Variants in YTHDF3 observed in about 807,000 individuals in gnomAD.
YTHDF3 encodes the protein YTH N6-methyladenosine RNA binding protein F3.
In YTHDF3, 9 loss-of-function variants were observed where a neutral mutation model predicts 52.5. The observed-to-expected ratio is 0.17, with a 90% confidence interval of 0.10 to 0.30. YTHDF3 has a LOEUF of 0.30. Among genes scored for constraint, YTHDF3 ranks in the 10% least tolerant of loss-of-function variants. YTHDF3 has a pLI of 1.00. For synonymous variants in YTHDF3, 274 were observed against 243.3 expected (o/e 1.13, Z -1.18); for missense variants, 534 against 715.0 (o/e 0.75, Z 2.89).
rs1810406266 is a variant in YTHDF3, at chr8:63,212,253, A to G, written c.*2547A>G. 6.6e-6 allele frequency: 1 copy of G among 152,638 alleles called. No homozygotes were observed. The highest frequency in any genetic ancestry group is 2.4e-5 in the African/African-American group (1 of 41,456). The allele number at this position is 152,638 out of a possible 1,614,324, so 9.5% of individuals were successfully genotyped here. Reference sequence around the variant, plus strand: ...ATTTAACAGTAAGGAGGAAACTGTAACCAAAATTAGTATTTCTCTATACGT... The same window carrying G: ...ATTTAACAGTAAGGAGGAAACTGTAGCCAAAATTAGTATTTCTCTATACGT... On this transcript the variant is annotated 3_prime_UTR_variant, in exon 5 of 5. Transcript: ENST00000539294.
At chr8:63,169,530 A>G in intron 2 of YTHDF3, 119 bp downstream of exon 2, 1 of 1,145,464 alleles carries the variant, frequency 8.7e-7, no homozygotes, top group Non-Finnish European at 1.3e-6. Context: ...GGATTAGGGA[A>G]AATATTCATC....
Position 63,186,070 on chromosome 8 carries a change from A to G in YTHDF3, c.136-77A>G, listed in dbSNP as rs942808347. The G allele has an allele frequency of 6.5e-6, 9 of 1,395,332 alleles. No homozygotes were observed. The East Asian group carries it at 1.6e-4, about 25-fold the overall frequency. 86.4% of individuals were successfully genotyped at this position (1,395,332 alleles called of 1,614,324 possible). A position where few individuals can be genotyped will look rare whatever the true frequency, so the allele number is the denominator to read the frequency against. Reference sequence around the variant, plus strand: ...ATTTTCATTTACTTAAAACTTCTTGATTTTAATCTTTCAGATTTCTTTTTT... The same window carrying G: ...ATTTTCATTTACTTAAAACTTCTTGGTTTTAATCTTTCAGATTTCTTTTTT... On this transcript the variant is annotated intron_variant, in intron 3 of 4. Transcript: ENST00000539294.
chr8:63,169,032 G>T, intron 1 of YTHDF3, 131 bp downstream of exon 1: 1 of 1,451,892 alleles, frequency 6.9e-7, no homozygotes, highest in South Asian at 1.4e-5. Flanking sequence ...AAGTTGCTGC[G>T]GTGTAGCTAC....
intron 4 of YTHDF3, among the ~76,000 whole-genome samples, chr8:63,205,332 A>G (rs1036475161): frequency 6.6e-6 from 1 of 152,148 alleles, no homozygotes; most frequent in Non-Finnish European, 1.5e-5. Context: ...CCAACAACAT[A>G]CCAGTACATG....
intron 4 of YTHDF3, among the ~76,000 whole-genome samples, chr8:63,209,177 T>G (rs1389763967): frequency 6.6e-6 from 1 of 152,200 alleles, no homozygotes; most frequent in Non-Finnish European, 1.5e-5. Context: ...CTCATGTTAC[T>G]TTTTAATGTG....
At position 63,168,638 on chromosome 8, in the gene YTHDF3, C is replaced by A; in HGVS notation, c.-240C>A. On this transcript the variant is annotated 5_prime_UTR_variant, in exon 1 of 5. Transcript: ENST00000539294. ...GCGGAAGTGAGACTAGGGAGTCTGTCCGCCATTGTGGACCCGAGAAGCAGA... is the reference window on the plus strand; with the variant it reads ...GCGGAAGTGAGACTAGGGAGTCTGTACGCCATTGTGGACCCGAGAAGCAGA... 1 of 694,354 alleles carries A rather than the reference C, an allele frequency of 1.4e-6. No homozygotes were observed. The highest frequency in any genetic ancestry group is 2.8e-5 in the East Asian group (1 of 35,438). The allele number at this position is 694,354 out of a possible 1,614,324, so 43.0% of individuals were successfully genotyped here.
At chr8:63,199,843 A>G (rs931295551) in intron 4 of YTHDF3, among the ~76,000 whole-genome samples, 3 of 152,174 alleles carry the variant, frequency 2.0e-5, no homozygotes, top group Non-Finnish European at 4.4e-5. Flanking sequence ...TGTTGAAGTT[A>G]GGGAAAGATA....
rs905406970 is a variant in YTHDF3, at chr8:63,212,628, A to G, written c.*2922A>G. ...TAAAATGATTAGTTCATTTACATTCACTTGTAGCAATTACATGAGAATTTG... is the reference window on the plus strand; with the variant it reads ...TAAAATGATTAGTTCATTTACATTCGCTTGTAGCAATTACATGAGAATTTG... On this transcript the variant is annotated 3_prime_UTR_variant, in exon 5 of 5. Transcript: ENST00000539294. The G allele has an allele frequency of 1.3e-5, 2 of 152,590 alleles. No individual in the cohort carries two copies. The highest frequency in any genetic ancestry group is 4.8e-5 in the African/African-American group (2 of 41,434). The allele number at this position is 152,590 out of a possible 1,614,324, so 9.5% of individuals were successfully genotyped here. A position where few individuals can be genotyped will look rare whatever the true frequency, so the allele number is the denominator to read the frequency against.
intron 4 of YTHDF3, among the ~76,000 whole-genome samples, chr8:63,194,130 A>G (rs758850500): frequency 2.6e-5 from 4 of 152,140 alleles, no homozygotes; most frequent in Non-Finnish European, 5.9e-5. Context: ...AATAAACTGT[A>G]GTTAGATGCG....
At chr8:63,193,111 CAT>C (rs1396121179) in intron 4 of YTHDF3, among the ~76,000 whole-genome samples, 1 of 152,022 alleles carries the variant, frequency 6.6e-6, no homozygotes, top group African/African-American at 2.4e-5. Flanking sequence ...TGGTGGCTCA[CAT>C]GTGTAATCCC....
chr8:63,204,429 T>C (rs890667298), intron 4 of YTHDF3, among the ~76,000 whole-genome samples: 1 of 151,112 alleles, frequency 6.6e-6, no homozygotes, highest in Non-Finnish European at 1.5e-5. Flanking sequence ...TGGCGTGATC[T>C]CGGGTCACCG....
intron 2 of YTHDF3, chr8:63,172,848 A>G: frequency 8.3e-7 from 1 of 1,210,642 alleles, no homozygotes; most frequent in East Asian, 3.2e-5. Flanking sequence ...AGACTATGGA[A>G]CTAGCTTGGA....
rs1355614739 is a variant in YTHDF3 at position 63,188,701 on chromosome 8, A to ATATATATATT, written c.1734+957_1734+958insATATATATTT. ...TACATATATATATATATATATATAT[A>ATATATATATT]TTTTTTTTTTTTTTTTTTTTTTTCT... On this transcript the variant is annotated intron_variant, in intron 4 of 4. Transcript: ENST00000539294. 71 of 61,446 alleles carry ATATATATATT rather than the reference A, an allele frequency of 1.2e-3. 2 individuals are homozygous for ATATATATATT. Among genetic ancestry groups the ATATATATATT allele is most frequent in the East Asian group, 5.0e-3 (9 of 1,816 alleles). The allele number at this position is 61,446 out of a possible 1,614,324, so 3.8% of individuals were successfully genotyped here. A position where few individuals can be genotyped will look rare whatever the true frequency, so the allele number is the denominator to read the frequency against.
chr8:63,187,200 A>G lies in YTHDF3; in HGVS notation c.1189A>G (p.Lys397Glu). 6.2e-7 allele frequency: 1 copy of G among 1,614,076 alleles called. No individual in the cohort carries two copies. The highest frequency in any genetic ancestry group is 8.5e-7 in the Non-Finnish European group (1 of 1,179,908). Residue 397 changes from lysine to glutamate, a missense_variant, in exon 4 of 5, where the codon AAG becomes GAG. Lys to Glu is a moderately conservative substitution (Grantham distance 56). Coordinates refer to ENST00000539294, the MANE Select transcript of YTHDF3 (RefSeq NM_152758.6). ...SSVEVHPVLE[K>E]LKAINNYNPK... ...TGTAGAAGTGCATCCCGTGCTGGAA[A>G]AGCTAAAGGCCATAAACAACTATAA...
intron 4 of YTHDF3, among the ~76,000 whole-genome samples, chr8:63,191,064 A>G (rs1292727471): frequency 6.6e-6 from 1 of 152,240 alleles, no homozygotes; most frequent in African/African-American, 2.4e-5. Flanking sequence ...AGTACTATGT[A>G]TAAGCCTTGC....
At chr8:63,209,302 T>C (rs1810235464) in intron 4 of YTHDF3, among the ~76,000 whole-genome samples, 1 of 152,212 alleles carries the variant, frequency 6.6e-6, no homozygotes. Flanking sequence ...CAATTTAATG[T>C]AACTTTTAAC....
At position 63,169,142 on chromosome 8, in the gene YTHDF3, G is replaced by A. The variant is rs576592489; in HGVS notation, c.24+241G>A. On this transcript the variant is annotated intron_variant, in intron 1 of 4. Coordinates refer to ENST00000539294, the MANE Select transcript of YTHDF3 (RefSeq NM_152758.6). ...GACCGGTCTTAGGGGCCTTAGGACA[G>A]ATCCTGAGGGCGGCAGACATGGGGC... 1.7e-4 allele frequency: 244 copies of A among 1,425,984 alleles called. 2 individuals are homozygous for A. The South Asian group carries it at 3.4e-3, about 20-fold the overall frequency. 88.3% of individuals were successfully genotyped at this position (1,425,984 alleles called of 1,614,324 possible).
intron 2 of YTHDF3, chr8:63,173,532 A>T: frequency 2.7e-6 from 1 of 374,774 alleles, no homozygotes; most frequent in Non-Finnish European, 3.6e-6. Flanking sequence ...TATGAGAGAT[A>T]GTTAGTCATA....
intron 3 of YTHDF3, among the ~76,000 whole-genome samples, chr8:63,177,498 G>C (rs1235691772): frequency 1.3e-5 from 2 of 152,124 alleles, no homozygotes; most frequent in Admixed American, 6.5e-5. Flanking sequence ...ACTATATTCT[G>C]GCTCACATAG....
Sources: allele counts gnomAD v4.1 joint callset (sites outside exome capture counted in the v4.1 genomes callset), GRCh38; gene constraint gnomAD v4.1.1; transcripts MANE v1.5; gene names NCBI Gene and HGNC (gene_info 2026-07-23, HGNC 2026-07-21).